The following GFOD2 variants were observed in gnomAD, a reference collection of about 807,000 sequenced individuals.
The protein encoded by GFOD2 is Gfo/Idh/MocA-like oxidoreductase domain containing 2.
A neutral mutation model predicts 24.6 loss-of-function variants in GFOD2; 9 were observed. The observed-to-expected ratio is 0.37, with a 90% CI of 0.22 to 0.64. The LOEUF (loss-of-function observed/expected upper bound fraction) is 0.64, where lower values mean the gene tolerates loss of function less well. Ranked by LOEUF, GFOD2 falls within the 30% of genes least tolerant of loss-of-function variation. GFOD2 has a pLI of 0.65. For missense variants in GFOD2, 476 were observed against 532.5 expected, an observed-to-expected ratio of 0.89 and a Z score of 1.04; for synonymous variants, 211 against 224.8, an observed-to-expected ratio of 0.94 and a Z score of 0.55.
intron 1 of GFOD2, among the ~76,000 whole-genome samples, chr16:67,693,851 T>C (rs1426918478): frequency 6.6e-6 from 1 of 151,968 alleles, no homozygotes; most frequent in Non-Finnish European, 1.5e-5. Flanking sequence ...GCCCAGGAGT[T>C]TCAGGCTATA....
intron 2 of GFOD2, chr16:67,682,658 GGTT>G (rs2053236510): frequency 1.0e-6 from 1 of 985,148 alleles, no homozygotes; most frequent in South Asian, 4.7e-5. Flanking sequence ...ATCTCTGGAA[GGTT>G]AAGTCCAATC....
intron 2 of GFOD2, chr16:67,685,106 G>A: frequency 7.9e-7 from 1 of 1,269,450 alleles, no homozygotes; most frequent in Non-Finnish European, 1.0e-6. Context: ...AGAAATGGGA[G>A]AACAAACACA....
rs527414965 is a variant in GFOD2, at chr16:67,678,390, CACTTG to C, written c.260-2342_260-2338del. The stretch of plus-strand genomic sequence containing the variant: ...ACTCGGGAGGCTGAGGCAGGAAAAT[CACTTG>C]AACCCGGGAGGTGGAGGTTGCGGTG... On this transcript the variant is annotated intron_variant, in intron 2 of 2. Coordinates refer to ENST00000268797, the MANE Select transcript of GFOD2 (RefSeq NM_030819.4). 1.1e-3 allele frequency among the ~76,000 whole-genome samples: 160 copies of C among 151,164 alleles called. 2 individuals carry two copies. Among genetic ancestry groups the C allele is most frequent in the African/African-American group, 3.3e-3 (134 of 41,082 alleles).
Position 67,686,911 on chromosome 16 carries a change from C to G in GFOD2, c.-87-1109G>C, listed in dbSNP as rs111471566. 9.6e-3 allele frequency among the ~76,000 whole-genome samples: 1,460 copies of G among 151,882 alleles called. 19 individuals are homozygous for G. Among genetic ancestry groups the G allele is most frequent in the African/African-American group, 0.033 (1,362 of 41,404 alleles). The stretch of plus-strand genomic sequence containing the variant: ...CCTGTAATCTCAGCACTTTGGGAGG[C>G]TGACGTGGGTGGATCGCTTGAGGTC... On this transcript the variant is annotated intron_variant, in intron 1 of 2. Transcript: ENST00000268797.
At chr16:67,698,222 G>C (rs924878757) in intron 1 of GFOD2, among the ~76,000 whole-genome samples, 1 of 152,152 alleles carries the variant, frequency 6.6e-6, no homozygotes, top group Non-Finnish European at 1.5e-5. Flanking sequence ...CTCCTTTAGA[G>C]GACCCCTCTC....
intron 1 of GFOD2, among the ~76,000 whole-genome samples, chr16:67,717,245 C>A (rs2053513688): frequency 6.6e-6 from 1 of 152,122 alleles, no homozygotes; most frequent in Admixed American, 6.6e-5. Flanking sequence ...TATTATACTT[C>A]CAATGTATCT....
Position 67,675,347 on chromosome 16 carries a change from G to T in GFOD2, c.966C>A (p.Gly322=). 1 of 1,613,106 alleles carries T rather than the reference G, an allele frequency of 6.2e-7. No homozygotes were observed. The highest frequency in any genetic ancestry group is 8.5e-7 in the Non-Finnish European group (1 of 1,179,988). The change falls in exon 3 of 3, where the codon GGC becomes GGA. Residue 322 remains glycine, a synonymous_variant. Coordinates refer to ENST00000268797, the MANE Select transcript of GFOD2 (RefSeq NM_030819.4). ...GGGTGCGGTCCCAGGTGCGGCGGTCGCCCTGCCCCTGGAAGGACTGGCGCA... is the reference window on the plus strand; with the variant it reads ...GGGTGCGGTCCCAGGTGCGGCGGTCTCCCTGCCCCTGGAAGGACTGGCGCA... ...QALRQSFQGQ[G]DRRTWDRTPV... is the part of the protein sequence containing the mutation.
chr16:67,683,783 G>C lies in GFOD2; in HGVS notation c.259+1674C>G, dbSNP rs74026422. 6,164 of 1,226,328 alleles carry C rather than the reference G, an allele frequency of 5.0e-3. 272 individuals carry two copies. The African/African-American group carries it at 0.087, about 17-fold the overall frequency. The allele number at this position is 1,226,328 out of a possible 1,614,324, so 76.0% of individuals were successfully genotyped here. ...CCTGAGGTTTGCCACCATGGCAGTG[G>C]TCAGGAAGAGTGGAGGACAACCTCA... On this transcript the variant is annotated intron_variant, in intron 2 of 2. Coordinates refer to ENST00000268797, the MANE Select transcript of GFOD2 (RefSeq NM_030819.4).
rs532236790 is a variant in GFOD2, at chr16:67,682,194, C to T, written c.259+3263G>A. ...CTGGGACTATAGGCACGTGCCAACA[C>T]GCCCAGCTAATTTTTGTGTTTTTAG... On this transcript the variant is annotated intron_variant, in intron 2 of 2. Transcript: ENST00000268797. 6.7e-5 allele frequency: 16 copies of T among 240,570 alleles called. No homozygotes were observed. The South Asian group carries it at 2.0e-3, about 30-fold the overall frequency. The allele number at this position is 240,570 out of a possible 1,614,324, so 14.9% of individuals were successfully genotyped here.
chr16:67,705,350 G>C (rs892307105), intron 1 of GFOD2, among the ~76,000 whole-genome samples: 3 of 152,118 alleles, frequency 2.0e-5, no homozygotes, highest in Non-Finnish European at 2.9e-5. Context: ...TGAGATTACA[G>C]GCATGTGCCA....
chr16:67,681,063 A>G, intron 2 of GFOD2: 1 of 985,400 alleles, frequency 1.0e-6, no homozygotes, highest in African/African-American at 1.7e-5. Flanking sequence ...GCTTCTCCAC[A>G]CTTGTGGGCC....
rs2053286822 is a variant in GFOD2 at position 67,688,735 on chromosome 16, T to A, written c.-87-2933A>T. ...GTAGTACAATATACATAAAATTTACTTTTTTTTTTTTTTTTTTGAGACGGA... is the reference window on the plus strand; with the variant it reads ...GTAGTACAATATACATAAAATTTACATTTTTTTTTTTTTTTTTGAGACGGA... On this transcript the variant is annotated intron_variant, in intron 1 of 2. Coordinates refer to ENST00000268797, the MANE Select transcript of GFOD2 (RefSeq NM_030819.4). Among the ~76,000 whole-genome samples, 13 of 97,540 alleles carry A rather than the reference T, an allele frequency of 1.3e-4. No homozygotes were observed. In the South Asian group the frequency reaches 3.8e-3, roughly 29 times the overall value. 64.0% of individuals were successfully genotyped at this position (97,540 alleles called of 152,430 possible).
intron 1 of GFOD2, among the ~76,000 whole-genome samples, chr16:67,692,133 G>C (rs1434274431): frequency 2.6e-5 from 4 of 151,116 alleles, no homozygotes; most frequent in Non-Finnish European, 4.4e-5. Flanking sequence ...CTGGGGATCA[G>C]AAGTGGGCAG....
chr16:67,717,599 T>A (rs1387707397), intron 1 of GFOD2, among the ~76,000 whole-genome samples: 1 of 152,184 alleles, frequency 6.6e-6, no homozygotes, highest in Non-Finnish European at 1.5e-5. Context: ...AAGACCAGCC[T>A]GGCCAACATG....
At chr16:67,688,880 G>GC (rs945131625) in intron 1 of GFOD2, among the ~76,000 whole-genome samples, 5 of 150,102 alleles carry the variant, frequency 3.3e-5, no homozygotes, top group Admixed American at 6.7e-5. Flanking sequence ...GACTACAGAC[G>GC]CCCCCCCACC....
At chr16:67,693,665 T>C (rs751371933) in intron 1 of GFOD2, among the ~76,000 whole-genome samples, 4 of 152,152 alleles carry the variant, frequency 2.6e-5, no homozygotes, top group Non-Finnish European at 5.9e-5. Context: ...AATACATTCG[T>C]ATTGTGCAAC....
chr16:67,698,845 A>C (rs1279061676), intron 1 of GFOD2, among the ~76,000 whole-genome samples: 1 of 152,202 alleles, frequency 6.6e-6, no homozygotes, highest in Non-Finnish European at 1.5e-5. Context: ...CATTAGACAC[A>C]GAGAACCAGT....
intron 1 of GFOD2, among the ~76,000 whole-genome samples, chr16:67,713,592 A>C (rs2142997880): frequency 6.6e-6 from 1 of 152,342 alleles, no homozygotes; most frequent in Middle Eastern, 3.4e-3. Context: ...AGCAGCTCAC[A>C]GAACTCTGGG....
chr16:67,710,442 G>GC (rs1330232642), intron 1 of GFOD2, among the ~76,000 whole-genome samples: 1 of 151,632 alleles, frequency 6.6e-6, no homozygotes, highest in Non-Finnish European at 1.5e-5. Flanking sequence ...TCAGCTCACC[G>GC]CAAGCTCCGC....
Sources: gnomAD v4.1 joint callset for allele counts (sites outside exome capture counted in the v4.1 genomes callset) on GRCh38, gnomAD v4.1.1 for gene constraint, MANE v1.5 for transcripts, NCBI Gene and HGNC (gene_info 2026-07-23, HGNC 2026-07-21) for gene names.